The following ADAMTS18 variants were observed in gnomAD, a reference collection of about 807,000 sequenced individuals.
ADAMTS18 encodes ADAM metallopeptidase with thrombospondin type 1 motif 18, also known as A disintegrin and metalloproteinase with thrombospondin motifs 18.
A neutral mutation model predicts 165.9 loss-of-function variants in ADAMTS18; 157 were observed. The ratio of observed to expected loss-of-function variants is 0.95; its 90% confidence interval spans 0.83 to 1.08. The LOEUF (loss-of-function observed/expected upper bound fraction) is 1.08, where lower values mean the gene tolerates loss of function less well. Ranked by LOEUF, ADAMTS18 falls within the 50% of genes least tolerant of loss-of-function variation. ADAMTS18 has a pLI of 0.00. For missense variants in ADAMTS18, 2,040 were observed against 1,534.0 expected (o/e 1.33, Z -5.51); for synonymous variants, 782 against 578.2 (o/e 1.35, Z -5.06).
chr16:77,364,555 C>T (rs2056764787), intron 4 of ADAMTS18, among the ~76,000 whole-genome samples, 174 bp from the exon 5 acceptor site: 1 of 143,198 alleles, frequency 7.0e-6, no homozygotes, highest in Admixed American at 7.3e-5. Flanking sequence ...AGTATGTGGT[C>T]AAGAAGGGCC....
chr16:77,291,840 C>T, intron 20 of ADAMTS18, among the ~76,000 whole-genome samples: 1 of 152,222 alleles, frequency 6.6e-6, no homozygotes, highest in Admixed American at 6.5e-5. Context: ...TCCAGGTCTA[C>T]CTAAGGCCTG....
chr16:77,308,795 C>T (rs569592977), intron 16 of ADAMTS18, among the ~76,000 whole-genome samples: 37 of 152,258 alleles, frequency 2.4e-4, no homozygotes, highest in Admixed American at 2.0e-3. Context: ...GAACTGTCAA[C>T]AAAGCCTTGT....
At chr16:77,369,960 A>G (rs1290786880) in intron 3 of ADAMTS18, among the ~76,000 whole-genome samples, 1 of 152,218 alleles carries the variant, frequency 6.6e-6, no homozygotes, top group Admixed American at 6.5e-5. Flanking sequence ...GATATATCAC[A>G]TTAACAGAAT....
In ADAMTS18 at chr16:77,434,914, G is replaced by T; in HGVS notation, c.-219C>A. 2.5e-6 allele frequency: 1 copy of T among 399,628 alleles called. No homozygotes were observed. The highest frequency in any genetic ancestry group is 4.3e-6 in the Non-Finnish European group (1 of 229,900). The allele number at this position is 399,628 out of a possible 1,614,324, so 24.8% of individuals were successfully genotyped here. A position where few individuals can be genotyped will look rare whatever the true frequency, so the allele number is the denominator to read the frequency against. ...CCCGGCGCGGGCCTGCCGAGCTGCA[G>T]TTTGCGGCACCCCAGAGGGTACGGG... is the stretch of plus-strand genomic sequence containing the variant. On this transcript the variant is annotated 5_prime_UTR_variant, in exon 1 of 23. It adds an upstream start codon to the 5' untranslated region. Coordinates refer to ENST00000282849, the MANE Select transcript of ADAMTS18 (RefSeq NM_199355.4).
intron 3 of ADAMTS18, among the ~76,000 whole-genome samples, chr16:77,411,084 G>A (rs2057456601): frequency 6.6e-6 from 1 of 152,306 alleles, no homozygotes; most frequent in East Asian, 1.9e-4. Flanking sequence ...GGTGATGAGT[G>A]GAACAGAGTA....
intron 22 of ADAMTS18, among the ~76,000 whole-genome samples, chr16:77,288,957 C>T (rs2055308579): frequency 1.3e-5 from 2 of 152,208 alleles, no homozygotes; most frequent in South Asian, 4.2e-4. Flanking sequence ...TGGTGGTGCA[C>T]ACCTATAATC....
At chr16:77,285,863 G>C (rs2055240044) in intron 22 of ADAMTS18, among the ~76,000 whole-genome samples, 1 of 152,090 alleles carries the variant, frequency 6.6e-6, no homozygotes, top group Non-Finnish European at 1.5e-5. Flanking sequence ...TGCTCTAGTG[G>C]AACCTCCTCC....
At chr16:77,303,597 C>T (rs971330392) in intron 16 of ADAMTS18, among the ~76,000 whole-genome samples, 1 of 151,388 alleles carries the variant, frequency 6.6e-6, no homozygotes, top group Non-Finnish European at 1.5e-5. Flanking sequence ...TCTAAGCCAC[C>T]ATCATGTCTC....
intron 8 of ADAMTS18, among the ~76,000 whole-genome samples, chr16:77,357,529 C>G (rs2056649413): frequency 6.6e-6 from 1 of 152,164 alleles, no homozygotes; most frequent in Non-Finnish European, 1.5e-5. Context: ...CAGAAAGAAA[C>G]CTATAAATAA....
rs753774784 is a variant in ADAMTS18 at position 77,362,134 on chromosome 16, G to A, written c.1187C>T (p.Ser396Phe). ...AILLTGFDIC[S>F]WKNEPCDTLG... ...AGTGTCACATGGTTCATTCTTCCAA[G>A]AACAAATATCAAATCCTGTTAGTAA... Residue 396 changes from serine to phenylalanine, a missense_variant, in exon 7 of 23, where the codon TCT becomes TTT. Physicochemically the swap from Ser to Phe is radical, Grantham distance 155. Transcript: ENST00000282849. The A allele has an allele frequency of 1.9e-6, 3 of 1,614,054 alleles. No individual in the cohort carries two copies. Among genetic ancestry groups the A allele is most frequent in the Non-Finnish European group, 1.7e-6 (2 of 1,180,002 alleles).
intron 22 of ADAMTS18, among the ~76,000 whole-genome samples, chr16:77,288,036 C>CT (rs1209422180): frequency 6.6e-6 from 1 of 152,166 alleles, no homozygotes; most frequent in East Asian, 1.9e-4. Context: ...TTCACATGAT[C>CT]TTTCATGTAG....
chr16:77,347,881 T>A (rs1386342510), intron 10 of ADAMTS18, among the ~76,000 whole-genome samples: 2 of 152,170 alleles, frequency 1.3e-5, no homozygotes, highest in Non-Finnish European at 2.9e-5. Flanking sequence ...AGTAAAACAT[T>A]TATTTTTATG....
At position 77,367,442 on chromosome 16, in the gene ADAMTS18, T is replaced by C; in HGVS notation, c.777A>G (p.Lys259=). The change falls in exon 4 of 23, where the codon AAA becomes AAG. Residue 259 remains lysine (K), a splice_region_variant and synonymous_variant. Coordinates refer to ENST00000282849, the MANE Select transcript of ADAMTS18 (RefSeq NM_199355.4). ...QKQHFCGRRK[K]YAPKPPTEDT... ...AAAAGAAAAAGTTTCCTTACATACA[T>C]TTCTTGCGTCGTCCACAAAAATGCT... 6.2e-7 allele frequency: 1 copy of C among 1,614,188 alleles called. No homozygotes were observed. Among genetic ancestry groups the C allele is most frequent in the Non-Finnish European group, 8.5e-7 (1 of 1,180,036 alleles).
chr16:77,303,308 C>A (rs898211702), intron 16 of ADAMTS18, among the ~76,000 whole-genome samples: 1 of 152,184 alleles, frequency 6.6e-6, no homozygotes, highest in East Asian at 1.9e-4. Context: ...ACGGATGACA[C>A]CCCGCCTCTG....
At position 77,319,782 on chromosome 16, in the gene ADAMTS18, C is replaced by G. The variant is rs1251754422; in HGVS notation, c.2532+67G>C. 3.1e-6 allele frequency: 5 copies of G among 1,611,198 alleles called. No homozygotes were observed. In the South Asian group the frequency reaches 4.4e-5, roughly 14 times the overall value. On this transcript the variant is annotated intron_variant, in intron 16 of 22. Coordinates refer to ENST00000282849, the MANE Select transcript of ADAMTS18 (RefSeq NM_199355.4). ...AACTAGAAGGACTGGAGTTCTGGCT[C>G]AAATTGCAGTCAACGATATAAATGT...
chr16:77,375,557 A>G (rs2056937890), intron 3 of ADAMTS18, among the ~76,000 whole-genome samples: 1 of 152,190 alleles, frequency 6.6e-6, no homozygotes, highest in Non-Finnish European at 1.5e-5. Context: ...GAAGTCCATG[A>G]TGGAACTGAG....
chr16:77,288,463 TTCC>T (rs1267759161), intron 22 of ADAMTS18, among the ~76,000 whole-genome samples: 1 of 152,086 alleles, frequency 6.6e-6, no homozygotes, highest in Non-Finnish European at 1.5e-5. Context: ...TGAAAGATAT[TTCC>T]TGGCATTTGT....
In ADAMTS18 at chr16:77,283,905, G is replaced by C. The variant is rs1243717188; in HGVS notation, c.*51C>G. ...GTCTCAAAGGCAGCTGGTCTCTCTA[G>C]AGGTTGAAAGGTAAGCCCCTGGCCC... On this transcript the variant is annotated 3_prime_UTR_variant, in exon 23 of 23. Transcript: ENST00000282849. The C allele has an allele frequency of 2.8e-6, 4 of 1,408,000 alleles. No individual in the cohort carries two copies. The highest frequency in any genetic ancestry group is 4.0e-6 in the Non-Finnish European group (4 of 993,218). The allele number at this position is 1,408,000 out of a possible 1,614,324, so 87.2% of individuals were successfully genotyped here.
intron 3 of ADAMTS18, among the ~76,000 whole-genome samples, chr16:77,389,747 G>A (rs1407463343): frequency 1.3e-5 from 2 of 152,172 alleles, no homozygotes; most frequent in South Asian, 4.1e-4. Context: ...AGAGAATGGG[G>A]GAAGGAACTC....
Sources: gnomAD v4.1 joint callset for allele counts (sites outside exome capture counted in the v4.1 genomes callset) on GRCh38, gnomAD v4.1.1 for gene constraint, MANE v1.5 for transcripts, NCBI Gene and HGNC (gene_info 2026-07-23, HGNC 2026-07-21) for gene names.